SGCD: variants seen among roughly 807,000 people sequenced by gnomAD.
SGCD encodes the protein sarcoglycan delta.
SGCD carries 18 observed loss-of-function variants against 36.6 expected under a neutral mutation model. The ratio of observed to expected loss-of-function variants is 0.49; its 90% CI spans 0.34 to 0.73. SGCD has a LOEUF of 0.73. SGCD is among the 30% of genes least tolerant of loss of function. The pLI is 0.01. For missense variants in SGCD, 387 were observed against 346.7 expected (o/e 1.12, Z -0.92); for synonymous variants, 133 against 130.6 (o/e 1.02, Z -0.12).
intron 4 of SGCD, among the ~76,000 whole-genome samples, chr5:156,536,892 A>C (rs564567521): frequency 4.6e-4 from 70 of 152,232 alleles, no homozygotes; most frequent in Non-Finnish European, 8.7e-4. Flanking sequence ...CTGGGCCCTC[A>C]TCATCTTCTG....
intron 1 of SGCD, among the ~76,000 whole-genome samples, chr5:156,080,911 C>G (rs1437578004): frequency 6.6e-6 from 1 of 152,192 alleles, no homozygotes; most frequent in African/African-American, 2.4e-5. Flanking sequence ...TCCAAAGTCA[C>G]CTATACGTTT....
In SGCD at chr5:156,490,224, T is replaced by A. The variant is rs112190657; in HGVS notation, c.193-18377T>A. ...ACATTGAATCAGTAATTAAAAATCT[T>A]CTAACAAAGATGAGCCCAGGACGAG... On this transcript the variant is annotated intron_variant, in intron 3 of 8. Coordinates refer to ENST00000337851, the MANE Select transcript of SGCD (RefSeq NM_000337.6). Among the ~76,000 whole-genome samples the A allele has an allele frequency of 9.3e-3, 1,419 of 152,050 alleles. 14 individuals carry two copies. The highest frequency in any genetic ancestry group is 0.032 in the African/African-American group (1,322 of 41,520).
chr5:156,584,714 C>G (rs1283012032), intron 4 of SGCD, among the ~76,000 whole-genome samples: 1 of 152,164 alleles, frequency 6.6e-6, no homozygotes, highest in Non-Finnish European at 1.5e-5. Context: ...CCTTGCACTG[C>G]ATTAGGAAGT....
chr5:156,474,420 G>A (rs1209269894), intron 3 of SGCD, among the ~76,000 whole-genome samples: 4 of 152,172 alleles, frequency 2.6e-5, no homozygotes, highest in South Asian at 2.1e-4. Context: ...GGCTGCTGAC[G>A]CTCCTTTCCT....
the SGCD span, among the ~76,000 whole-genome samples, chr5:155,747,021 T>C: frequency 6.6e-6 from 1 of 152,104 alleles, no homozygotes; most frequent in Non-Finnish European, 1.5e-5. Context: ...GGGTGTGAGA[T>C]TTTCCAGAGC....
At chr5:156,634,348 A>C (rs1762744149) in intron 6 of SGCD, among the ~76,000 whole-genome samples, 1 of 152,134 alleles carries the variant, frequency 6.6e-6, no homozygotes, top group African/African-American at 2.4e-5. Flanking sequence ...CTGTGCAGCA[A>C]ATCACCATGG....
At chr5:156,168,931 T>C (rs965042199) in intron 3 of SGCD, among the ~76,000 whole-genome samples, 1 of 152,192 alleles carries the variant, frequency 6.6e-6, no homozygotes, top group Non-Finnish European at 1.5e-5. Context: ...AGGCACTCTC[T>C]GCATGTGATG....
intron 1 of SGCD, among the ~76,000 whole-genome samples, chr5:156,047,773 C>A (rs552641412): frequency 2.0e-5 from 3 of 152,056 alleles, no homozygotes; most frequent in Non-Finnish European, 4.4e-5. Context: ...CCTTCATTCT[C>A]CAGCCCATGG....
chr5:155,735,408 C>T, the SGCD span, among the ~76,000 whole-genome samples: 1 of 152,148 alleles, frequency 6.6e-6, no homozygotes, highest in African/African-American at 2.4e-5. Context: ...GTTTGAAAAA[C>T]TAATAGGCTT....
intron 1 of SGCD, among the ~76,000 whole-genome samples, chr5:155,919,995 C>T (rs1756834821): frequency 6.6e-6 from 1 of 152,088 alleles, no homozygotes; most frequent in Admixed American, 6.5e-5. Context: ...GGCATACCTA[C>T]AAAATGAAAA....
intron 4 of SGCD, among the ~76,000 whole-genome samples, chr5:156,547,929 T>C (rs1376671877): frequency 6.6e-6 from 1 of 152,162 alleles, no homozygotes; most frequent in East Asian, 1.9e-4. Context: ...TTGAGGCAAG[T>C]CAAACTCCAG....
Position 155,952,123 on chromosome 5 carries a change from A to G in SGCD, c.-282+81699A>G, listed in dbSNP as rs1387796457. ...TGTACCACTCTTTCTTCTTTGGGCT[A>G]ATTGCCTCTGATCTTGGGGTGTATA... On this transcript the variant is annotated intron_variant, in intron 1 of 9. Transcript: ENST00000517913. 6.6e-5 allele frequency among the ~76,000 whole-genome samples: 10 copies of G among 152,256 alleles called. No homozygotes were observed. In the East Asian group the frequency reaches 1.9e-3, roughly 29 times the overall value.
intron 4 of SGCD, among the ~76,000 whole-genome samples, chr5:156,528,761 A>T (rs1327370817): frequency 1.3e-5 from 2 of 152,156 alleles, no homozygotes; most frequent in African/African-American, 4.8e-5. Flanking sequence ...CATGCCATTC[A>T]TAAGCTTCTG....
chr5:156,578,079 A>G (rs905996554), intron 4 of SGCD, among the ~76,000 whole-genome samples: 10 of 152,298 alleles, frequency 6.6e-5, no homozygotes, highest in East Asian at 1.9e-4. Flanking sequence ...TTATTTTGAG[A>G]TATGTCCCAT....
At chr5:156,072,787 T>C (rs1324643319) in intron 1 of SGCD, among the ~76,000 whole-genome samples, 3 of 152,176 alleles carry the variant, frequency 2.0e-5, no homozygotes, top group African/African-American at 7.2e-5. Flanking sequence ...GTAGATTTGG[T>C]CTTTTCACAT....
At chr5:156,305,972 G>A (rs760163596) in intron 3 of SGCD, among the ~76,000 whole-genome samples, 1 of 133,466 alleles carries the variant, frequency 7.5e-6, no homozygotes, top group Non-Finnish European at 1.8e-5. Flanking sequence ...CCCAATGCCT[G>A]TACCCCCATT....
chr5:156,011,345 A>C (rs1758856391), intron 1 of SGCD, among the ~76,000 whole-genome samples: 1 of 152,148 alleles, frequency 6.6e-6, no homozygotes, highest in Non-Finnish European at 1.5e-5. Flanking sequence ...TATGGAACTT[A>C]AGTTTACTGA....
intron 3 of SGCD, among the ~76,000 whole-genome samples, chr5:156,414,343 C>A (rs1255834998): frequency 1.3e-5 from 2 of 152,078 alleles, no homozygotes; most frequent in African/African-American, 4.8e-5. Flanking sequence ...AAATGTCCAT[C>A]AATTGGATAT....
rs145580144 is a variant in SGCD at position 156,260,566 on chromosome 5, A to G, written c.-43-68968A>G. 2.0e-5 allele frequency among the ~76,000 whole-genome samples: 3 copies of G among 152,260 alleles called. No individual in the cohort carries two copies. In the East Asian group the frequency reaches 5.8e-4, roughly 29 times the overall value. ...TGATATTATAATGTGTGATATTGCT[A>G]AATTTACTTATTAGCTCAAGTAGGT... On this transcript the variant is annotated intron_variant, in intron 3 of 9. Transcript: ENST00000517913.
Sources: gnomAD v4.1 joint callset for allele counts (sites outside exome capture counted in the v4.1 genomes callset) on GRCh38, gnomAD v4.1.1 for gene constraint, MANE v1.5 for transcripts, NCBI Gene and HGNC (gene_info 2026-07-23, HGNC 2026-07-21) for gene names.